SRFBP1: variants seen among roughly 807,000 people sequenced by gnomAD.
SRFBP1 encodes the protein serum response factor binding protein 1, also known as serum response factor-binding protein 1.
SRFBP1 carries 47 observed loss-of-function variants against 45.5 expected under a neutral mutation model. The observed-to-expected ratio is 1.03, with a 90% confidence interval of 0.82 to 1.32. The LOEUF (loss-of-function observed/expected upper bound fraction) is 1.32. SRFBP1 is among the 40% of genes most tolerant of loss of function. SRFBP1 has a pLI of 0.00. For synonymous variants in SRFBP1, 203 were observed against 166.3 expected (o/e 1.22, Z -1.70); for missense variants, 621 against 484.6 (o/e 1.28, Z -2.64).
intron 2 of SRFBP1, chr5:122,066,876 T>C: frequency 1.5e-6 from 1 of 648,648 alleles, no homozygotes; most frequent in Non-Finnish European, 2.8e-6. Context: ...TAAGCAGCAA[T>C]CATGTTGTGA....
intron 4 of SRFBP1, among the ~76,000 whole-genome samples, chr5:122,018,690 G>A (rs7718305): frequency 2.6e-5 from 4 of 152,026 alleles, no homozygotes; most frequent in Non-Finnish European, 5.9e-5. Context: ...GTCATTAGCC[G>A]GCATTATGAT....
chr5:121,981,982 GT>G (rs1389852273), intron 3 of SRFBP1, among the ~76,000 whole-genome samples: 6 of 151,096 alleles, frequency 4.0e-5, no homozygotes, highest in Non-Finnish European at 8.9e-5. Flanking sequence ...TTTTTTACAT[GT>G]TGGCACGTTT....
chr5:122,037,657 T>C (rs1753714333), intron 2 of SRFBP1, among the ~76,000 whole-genome samples: 1 of 151,874 alleles, frequency 6.6e-6, no homozygotes, highest in South Asian at 2.1e-4. Context: ...CACCTGGCTA[T>C]TCAGTTTTTA....
Position 121,974,767 on chromosome 5 carries a change from A to G in SRFBP1, c.125+483A>G, listed in dbSNP as rs542075270. 2.6e-5 allele frequency among the ~76,000 whole-genome samples: 4 copies of G among 151,922 alleles called. No homozygotes were observed. The South Asian group carries it at 8.3e-4, about 32-fold the overall frequency. On this transcript the variant is annotated intron_variant, in intron 2 of 7. Transcript: ENST00000339397. ...TTTTTGGAAAAATACAATATTTTGT[A>G]TTTTCAGTATCACTAGTGTTAGTGA... is the stretch of plus-strand genomic sequence containing the variant.
At chr5:121,980,828 A>G (rs1298975626) in intron 3 of SRFBP1, among the ~76,000 whole-genome samples, 5 of 152,100 alleles carry the variant, frequency 3.3e-5, no homozygotes, top group African/African-American at 9.7e-5. Flanking sequence ...TGAATCTGCT[A>G]CTTGTCTGAA....
intron 2 of SRFBP1, among the ~76,000 whole-genome samples, chr5:122,045,853 T>C (rs1753846580): frequency 6.6e-6 from 1 of 152,176 alleles, no homozygotes; most frequent in Non-Finnish European, 1.5e-5. Flanking sequence ...TTATTTCTTA[T>C]TCTTGCCTGA....
intron 2 of SRFBP1, among the ~76,000 whole-genome samples, chr5:122,049,812 G>A (rs1753936555): frequency 6.6e-6 from 1 of 152,138 alleles, no homozygotes; most frequent in African/African-American, 2.4e-5. Context: ...AAATAAAGAT[G>A]TTCTTTGAAA....
intron 7 of SRFBP1, 81 bp downstream of exon 7, chr5:122,022,488 C>T: frequency 1.7e-6 from 2 of 1,193,796 alleles, no homozygotes; most frequent in South Asian, 2.8e-5. Context: ...ATTGTTGTTG[C>T]TTAATATAGC....
intron 2 of SRFBP1, among the ~76,000 whole-genome samples, chr5:122,036,223 C>G (rs1392658390): frequency 6.6e-6 from 1 of 152,068 alleles, no homozygotes; most frequent in Non-Finnish European, 1.5e-5. Flanking sequence ...CCACTTTGAT[C>G]AGCTAGTTTT....
At chr5:121,968,619 C>T (rs185431842) in intron 1 of SRFBP1, among the ~76,000 whole-genome samples, 1 of 152,232 alleles carries the variant, frequency 6.6e-6, no homozygotes, top group Non-Finnish European at 1.5e-5. Context: ...TAAAATGATG[C>T]AATGAATAAT....
At chr5:121,992,254 T>C (rs72786956) in intron 3 of SRFBP1, among the ~76,000 whole-genome samples, 4 of 152,236 alleles carry the variant, frequency 2.6e-5, no homozygotes, top group Non-Finnish European at 5.9e-5. Context: ...TCAGCTTCTG[T>C]AGGCCAACTG....
intron 2 of SRFBP1, among the ~76,000 whole-genome samples, chr5:122,058,217 T>A (rs963832808): frequency 6.6e-6 from 1 of 152,162 alleles, no homozygotes; most frequent in African/African-American, 2.4e-5. Context: ...CATAGTACAC[T>A]TCTCTATTCA....
intron 4 of SRFBP1, among the ~76,000 whole-genome samples, chr5:122,005,148 T>C (rs576579182): frequency 7.9e-5 from 12 of 152,312 alleles, no homozygotes; most frequent in Admixed American, 6.5e-4. Flanking sequence ...TCTGTAGATG[T>C]CTATTAGGTC....
At chr5:122,019,837 C>T (rs937360687) in intron 5 of SRFBP1, among the ~76,000 whole-genome samples, 6 of 151,970 alleles carry the variant, frequency 3.9e-5, no homozygotes, top group Admixed American at 1.3e-4. Flanking sequence ...TTCTTCATAA[C>T]TCCAAGACAT....
At position 122,070,067 on chromosome 5, in the gene SRFBP1, G is replaced by A. The variant is rs1392933477; in HGVS notation, n.312-5248G>A. The A allele has an allele frequency of 1.2e-6, 2 of 1,610,460 alleles. No individual in the cohort carries two copies. Among genetic ancestry groups the A allele is most frequent in the African/African-American group, 2.7e-5 (2 of 74,770 alleles). ...ATAACACTTACGGTGAAATTGTGCA[G>A]CCTGAGGCATACGCATGATGTCCTG... On this transcript the variant is annotated intron_variant and non_coding_transcript_variant, in intron 2 of 2. Transcript: ENST00000504881.
intron 1 of SRFBP1, among the ~76,000 whole-genome samples, chr5:121,969,805 TTC>T (rs1177937661): frequency 6.6e-6 from 1 of 152,104 alleles, no homozygotes; most frequent in Non-Finnish European, 1.5e-5. Context: ...TCCCTTCAAT[TTC>T]TGTCTTCAGA....
intron 2 of SRFBP1, chr5:122,069,826 T>G (rs1754399150): frequency 1.9e-6 from 1 of 516,818 alleles, no homozygotes. Context: ...TGTTTATGTC[T>G]TCTCCTGAAA....
At chr5:122,023,179 A>G (rs1753397557) in intron 7 of SRFBP1, among the ~76,000 whole-genome samples, 1 of 152,204 alleles carries the variant, frequency 6.6e-6, no homozygotes, top group Non-Finnish European at 1.5e-5. Flanking sequence ...GTCTTACTAT[A>G]TATCTAGGAG....
chr5:122,033,350 T>A (rs2112722639), downstream of SRFBP1, among the ~76,000 whole-genome samples: 1 of 152,322 alleles, frequency 6.6e-6, no homozygotes, highest in East Asian at 1.9e-4. Context: ...ATCAGATGCA[T>A]GAGTTTCTCT....
Sources: allele counts gnomAD v4.1 joint callset (sites outside exome capture counted in the v4.1 genomes callset), GRCh38; gene constraint gnomAD v4.1.1; transcripts MANE v1.5; gene names NCBI Gene and HGNC (gene_info 2026-07-23, HGNC 2026-07-21).